The following DMD variants were observed in gnomAD, a reference collection of about 807,000 sequenced individuals.
DMD encodes dystrophin.
A neutral mutation model predicts 330.1 loss-of-function variants in DMD; 63 were observed. The observed-to-expected ratio is 0.19, with a 90% CI of 0.16 to 0.24. DMD has a LOEUF of 0.24. DMD is among the 10% of genes least tolerant of loss of function. The probability of loss-of-function intolerance (pLI) is 1.00; values close to 1 mark genes in which losing one functional copy is unlikely to be tolerated. For synonymous variants in DMD, 1,223 were observed against 959.8 expected, an observed-to-expected ratio of 1.27 and a Z score of -5.07; for missense variants, 3,344 against 2,684.1, an observed-to-expected ratio of 1.25 and a Z score of -5.43.
At chrX:32,576,178 C>A (rs1311312765) in intron 13 of DMD, among the ~76,000 whole-genome samples, 1 of 111,493 alleles carries the variant, frequency 9.0e-6, no homozygotes, top group African/African-American at 3.3e-5. Flanking sequence ...GCTTCAAAAT[C>A]CTCAGGTGGA....
At chrX:33,080,974 T>TCACACACACACACACACA (rs763162216) in intron 1 of DMD, among the ~76,000 whole-genome samples, 29 of 92,715 alleles carry the variant, frequency 3.1e-4, no homozygotes, top group Non-Finnish European at 5.5e-4. Context: ...TTTATAAACA[T>TCACACACACACACACACA]CACACACACA....
chrX:33,038,434 T>C (rs897390682), intron 1 of DMD, among the ~76,000 whole-genome samples: 1 of 112,049 alleles, frequency 8.9e-6, no homozygotes, highest in African/African-American at 3.2e-5. Context: ...ATGCCTGCTT[T>C]TATTTTCTCC....
intron 40 of DMD, chrX:32,342,608 C>A (rs2097749406): frequency 1.0e-5 from 3 of 291,676 alleles, no homozygotes; most frequent in Non-Finnish European, 1.8e-5. Context: ...AGGGACCGTC[C>A]ACATAGAATA....
chrX:31,710,901 A>T (rs934056963), intron 52 of DMD, among the ~76,000 whole-genome samples: 9 of 111,330 alleles, frequency 8.1e-5, no homozygotes, highest in African/African-American at 1.6e-4. Flanking sequence ...ATCATTTTTT[A>T]AAAATAATCA....
chrX:33,287,948 C>T (rs1330099978), intron 1 of DMD, among the ~76,000 whole-genome samples: 4 of 111,573 alleles, frequency 3.6e-5, no homozygotes, highest in Non-Finnish European at 7.5e-5. Flanking sequence ...TACTTTCTTT[C>T]CTTCATAAGT....
intron 60 of DMD, among the ~76,000 whole-genome samples, chrX:31,428,745 G>C (rs1268248868): frequency 3.6e-5 from 4 of 112,320 alleles, no homozygotes; most frequent in African/African-American, 9.7e-5. Flanking sequence ...TCTATTCTTA[G>C]GTAATTTGGA....
intron 9 of DMD, among the ~76,000 whole-genome samples, chrX:32,666,021 C>G (rs1222066154): frequency 9.0e-6 from 1 of 110,908 alleles, no homozygotes; most frequent in Admixed American, 9.6e-5. Flanking sequence ...AACTCAAGAA[C>G]TGTTGAAAAA....
intron 2 of DMD, among the ~76,000 whole-genome samples, chrX:32,957,944 T>C (rs1439385857): frequency 8.9e-6 from 1 of 112,208 alleles, no homozygotes; most frequent in African/African-American, 3.2e-5. Context: ...AGCCAATGTC[T>C]GTAAACATAT....
chrX:31,194,167 G>A (rs1165172489), intron 67 of DMD, among the ~76,000 whole-genome samples: 3 of 111,155 alleles, frequency 2.7e-5, no homozygotes, highest in African/African-American at 9.8e-5. Context: ...GTGACAGAGC[G>A]AGACTCTGTC....
At chrX:31,344,879 G>A (rs1482091376) in intron 61 of DMD, among the ~76,000 whole-genome samples, 2 of 108,216 alleles carry the variant, frequency 1.8e-5, no homozygotes, top group African/African-American at 3.4e-5. Flanking sequence ...ACACACACAC[G>A]CAACCACAAG....
chrX:33,225,558 C>T (rs1406292945), intron 1 of DMD, among the ~76,000 whole-genome samples: 1 of 111,001 alleles, frequency 9.0e-6, no homozygotes, highest in Non-Finnish European at 1.9e-5. Context: ...ACACCTTATG[C>T]AAAATAAAAT....
chrX:32,300,992 G>C lies in DMD; in HGVS notation c.6117+9090C>G, dbSNP rs182642666. Among the ~76,000 whole-genome samples, 3 of 110,109 alleles carry C rather than the reference G, an allele frequency of 2.7e-5. No homozygotes were observed. In the Admixed American group the frequency reaches 2.9e-4, roughly 11 times the overall value. The stretch of plus-strand genomic sequence containing the variant: ...TATAAATGATTAAGCAACTTCATAG[G>C]TAGCTACCATACATGATAAAATATA... On this transcript the variant is annotated intron_variant, in intron 42 of 78. Transcript: ENST00000357033.
intron 62 of DMD, among the ~76,000 whole-genome samples, chrX:31,286,619 C>T (rs1239988820): frequency 8.9e-6 from 1 of 112,439 alleles, no homozygotes; most frequent in Non-Finnish European, 1.9e-5. Context: ...AAATGCAGAA[C>T]ATCATGTCTC....
At chrX:33,319,431 ATTGAG>A (rs2053982933) in intron 1 of DMD, among the ~76,000 whole-genome samples, 3 of 111,054 alleles carry the variant, frequency 2.7e-5, no homozygotes, top group Admixed American at 9.6e-5. Flanking sequence ...CATAAACTGA[ATTGAG>A]TTGAGTGCCC....
chrX:32,216,348 A>G (rs140094158), intron 44 of DMD, among the ~76,000 whole-genome samples: 165 of 111,996 alleles, frequency 1.5e-3, no homozygotes, highest in African/African-American at 5.1e-3. Flanking sequence ...GTTATCATCC[A>G]TATGCTGTTT....
chrX:31,496,927 C>T lies in DMD; in HGVS notation c.8408G>A (p.Ser2803Asn). The change falls in exon 57 of 79, where the codon AGT becomes AAT. Residue 2803 changes from serine to asparagine, a missense_variant. Physicochemically the swap from Ser to Asn is conservative, Grantham distance 46. Coordinates refer to ENST00000357033, the MANE Select transcript of DMD (RefSeq NM_004006.3). ...SLNIRSHLEA[S>N]SDQWKRLHLS... ...GTGCAGACGCTTCCACTGGTCAGAA[C>T]TGGCTTCCAAATGGGACCTGAAAAA... The T allele has an allele frequency of 8.3e-7, 1 of 1,209,550 alleles. No individual in the cohort carries two copies. The highest frequency in any genetic ancestry group is 1.1e-6 in the Non-Finnish European group (1 of 894,277).
intron 37 of DMD, among the ~76,000 whole-genome samples, chrX:32,349,231 C>T: frequency 9.0e-6 from 1 of 111,139 alleles, no homozygotes; most frequent in East Asian, 2.8e-4. Flanking sequence ...AAACAAAACC[C>T]TTGAAAAGGA....
intron 42 of DMD, among the ~76,000 whole-genome samples, chrX:32,301,407 T>C (rs942943428): frequency 9.1e-6 from 1 of 109,734 alleles, no homozygotes; most frequent in Non-Finnish European, 1.9e-5. Flanking sequence ...TAATCATACG[T>C]GATTTACAAC....
chrX:31,157,401 A>T (rs750171183), intron 74 of DMD, among the ~76,000 whole-genome samples: 3 of 112,302 alleles, frequency 2.7e-5, no homozygotes, highest in Non-Finnish European at 5.6e-5. Flanking sequence ...TGGAAATAAG[A>T]CAGACTAACA....
Sources: allele counts gnomAD v4.1 joint callset (sites outside exome capture counted in the v4.1 genomes callset), GRCh38; gene constraint gnomAD v4.1.1; transcripts MANE v1.5; gene names NCBI Gene and HGNC (gene_info 2026-07-23, HGNC 2026-07-21).